Variants in BIRC3 observed in about 807,000 individuals in gnomAD.
BIRC3 encodes the protein baculoviral IAP repeat-containing protein 3.
Under a neutral mutation model 59.0 loss-of-function variants are expected in BIRC3, and 26 were observed. The observed-to-expected ratio is 0.44, with a 90% CI of 0.32 to 0.61. The LOEUF (loss-of-function observed/expected upper bound fraction) is 0.61. Among genes scored for constraint, BIRC3 ranks in the 20% least tolerant of loss-of-function variants. BIRC3 has a pLI of 0.04. For missense variants in BIRC3, 641 were observed against 711.5 expected (o/e 0.90, Z 1.13); for synonymous variants, 243 against 249.2 (o/e 0.98, Z 0.24).
Position 102,331,224 on chromosome 11 carries a change from C to A in BIRC3, c.1307C>A (p.Thr436Asn). ...AGGGAAGAGGAGAGAGAAAGAGCAA[C>A]TGAGGAAAAAGAATCAAGTATGTAG... ...EIREEERERATEEKESNDLLL... is the reference protein window; with the variant it reads ...EIREEERERANEEKESNDLLL... Residue 436 changes from threonine (T) to asparagine (N), a missense_variant, in exon 6 of 9, where the codon ACT (threonine) becomes AAT (asparagine). Transcript: ENST00000263464. 1 of 1,608,160 alleles carries A rather than the reference C, an allele frequency of 6.2e-7. No individual in the cohort carries two copies. The highest frequency in any genetic ancestry group is 8.5e-7 in the Non-Finnish European group (1 of 1,178,302).
At chr11:102,330,448 A>C (rs1028655467) in intron 5 of BIRC3, among the ~76,000 whole-genome samples, 1 of 152,228 alleles carries the variant, frequency 6.6e-6, no homozygotes, top group Non-Finnish European at 1.5e-5. Context: ...GAGGTAAACA[A>C]GGTTCAGATT....
chr11:102,337,015 A>G lies in BIRC3; in HGVS notation c.1728A>G (p.Val576=), dbSNP rs1951203974. ...SIVFIPCGHL[V]VCKDCAPSLR... Reference sequence around the variant, plus strand: ...TGTTTATTCCTTGTGGTCATCTAGTAGTATGCAAAGATTGTGCTCCTTCTT... The same window carrying G: ...TGTTTATTCCTTGTGGTCATCTAGTGGTATGCAAAGATTGTGCTCCTTCTT... The change falls in exon 9 of 9, where the codon GTA becomes GTG. Residue 576 remains valine, a synonymous_variant. Coordinates refer to ENST00000263464, the MANE Select transcript of BIRC3 (RefSeq NM_001165.5). 1.9e-6 allele frequency: 3 copies of G among 1,605,246 alleles called. No homozygotes were observed. Among genetic ancestry groups the G allele is most frequent in the South Asian group, 1.1e-5 (1 of 88,252 alleles).
chr11:102,325,152 T>G lies in BIRC3; in HGVS notation c.643T>G (p.Trp215Gly). Residue 215 changes from tryptophan to glycine, a missense_variant, in exon 2 of 9, where the codon TGG (tryptophan) becomes GGG (glycine). Physicochemically the swap from Trp to Gly is radical, Grantham distance 184. Around this residue, in one of 4 missense-constraint regions of BIRC3, gnomAD observed 329 missense variants for 365.6 expected, o/e 0.90. Transcript: ENST00000263464. ...TGCCTGTGGTGGAAAATTGAGCAAT[T>G]GGGAACCGAAGGATAATGCTATGTC... ...CFACGGKLSN[W>G]EPKDNAMSEH... The G allele has an allele frequency of 6.2e-7, 1 of 1,614,196 alleles. No homozygotes were observed. Among genetic ancestry groups the G allele is most frequent in the Non-Finnish European group, 8.5e-7 (1 of 1,180,016 alleles).
intron 8 of BIRC3, 41 bp downstream of exon 8, chr11:102,336,842 T>G (rs758212197): frequency 6.3e-6 from 10 of 1,588,646 alleles, no homozygotes; most frequent in Non-Finnish European, 8.5e-6. Flanking sequence ...GAACATTGTC[T>G]TTATTTTCTT....
intron 3 of BIRC3, chr11:102,326,739 G>C (rs1204785764): frequency 2.2e-6 from 1 of 454,850 alleles, no homozygotes; most frequent in Admixed American, 2.3e-5. Context: ...ATGGAGCCTG[G>C]CTCTGTTGCC....
In BIRC3 at chr11:102,322,762, C is replaced by T. The variant is rs1951043875; in HGVS notation, c.-1748C>T. The T allele has an allele frequency of 7.4e-6, 1 of 134,484 alleles. No individual in the cohort carries two copies. The highest frequency in any genetic ancestry group is 1.5e-4 in the East Asian group (1 of 6,636). 8.3% of individuals were successfully genotyped at this position (134,484 alleles called of 1,614,324 possible). ...CGTCTGTGAGATCCAGGAAACCATG[C>T]TTGCAAACCACTGGTAAAAAAAAAA... is the stretch of plus-strand genomic sequence containing the variant. On this transcript the variant is annotated 5_prime_UTR_variant, in exon 2 of 9. Transcript: ENST00000263464.
Position 102,327,389 on chromosome 11 carries a change from G to A in BIRC3, c.954-663G>A, listed in dbSNP as rs191760522. ...GGTGCAGTGGCTCATGCCTGTAATC[G>A]CAGCACTTTGGGAGGCTGAGGCAGG... is the stretch of plus-strand genomic sequence containing the variant. On this transcript the variant is annotated intron_variant, in intron 3 of 8. Coordinates refer to ENST00000263464, the MANE Select transcript of BIRC3 (RefSeq NM_001165.5). Among the ~76,000 whole-genome samples the A allele has an allele frequency of 8.8e-4, 134 of 152,000 alleles. 2 individuals carry two copies. In the South Asian group the frequency reaches 1.0e-2, roughly 11 times the overall value.
intron 1 of BIRC3, among the ~76,000 whole-genome samples, chr11:102,317,879 C>T (rs1950986832): frequency 6.6e-6 from 1 of 152,184 alleles, no homozygotes; most frequent in Non-Finnish European, 1.5e-5. Context: ...ATCACTGGGC[C>T]TTTGCAGGTG....
chr11:102,331,167 T>C lies in BIRC3; in HGVS notation c.1250T>C (p.Val417Ala). The change falls in exon 6 of 9, where the codon GTG (valine) becomes GCG (alanine). Residue 417 changes from valine to alanine, a missense_variant. Val to Ala is a moderately conservative substitution (Grantham distance 64). This residue lies in a region of BIRC3 where 268 missense variants were observed against 255.7 expected (regional missense o/e 1.05). Transcript: ENST00000263464. ...GENYRLVNDL[V>A]LDLLNAEDEI... ...AATTATAGACTAGTCAATGATCTTGTGTTAGACTTACTCAATGCAGAAGAT... is the reference window on the plus strand; with the variant it reads ...AATTATAGACTAGTCAATGATCTTGCGTTAGACTTACTCAATGCAGAAGAT... 1 of 1,613,766 alleles carries C rather than the reference T, an allele frequency of 6.2e-7. No individual in the cohort carries two copies. Among genetic ancestry groups the C allele is most frequent in the Non-Finnish European group, 8.5e-7 (1 of 1,179,844 alleles).
At position 102,327,496 on chromosome 11, in the gene BIRC3, C is replaced by T. The variant is rs935779602; in HGVS notation, c.954-556C>T. ...CTCCACTAAAAATGCAAAAATTAGC[C>T]GGCCATGGTGGCAGGCACCTGCAAG... On this transcript the variant is annotated intron_variant, in intron 3 of 8. Coordinates refer to ENST00000263464, the MANE Select transcript of BIRC3 (RefSeq NM_001165.5). Among the ~76,000 whole-genome samples, 6 of 151,992 alleles carry T rather than the reference C, an allele frequency of 3.9e-5. No individual in the cohort carries two copies. In the South Asian group the frequency reaches 6.2e-4, roughly 16 times the overall value.
chr11:102,330,887 T>G (rs962866310), intron 5 of BIRC3, 112 bp from the exon 6 acceptor site: 46 of 1,146,996 alleles, frequency 4.0e-5, no homozygotes, highest in Non-Finnish European at 5.1e-5. Flanking sequence ...ATTTTGTTGG[T>G]TTTACATTTT....
chr11:102,317,777 G>C (rs183877103), intron 1 of BIRC3, among the ~76,000 whole-genome samples: 1 of 152,326 alleles, frequency 6.6e-6, no homozygotes, highest in Admixed American at 6.5e-5. Context: ...GCAGGCTCTA[G>C]ATAGGTTCCA....
chr11:102,319,426 C>T (rs960205702), intron 1 of BIRC3, among the ~76,000 whole-genome samples: 3 of 151,938 alleles, frequency 2.0e-5, no homozygotes, highest in Admixed American at 6.6e-5. Context: ...AAAGGCCAGT[C>T]GAGAGTGACA....
chr11:102,336,872 A>G, intron 8 of BIRC3, 37 bp from the exon 9 acceptor site: 1 of 1,590,840 alleles, frequency 6.3e-7, no homozygotes, highest in Non-Finnish European at 8.5e-7. Context: ...CTGAAGAAGC[A>G]AACTGCCTTT....
chr11:102,318,724 G>T (rs1169667044), intron 1 of BIRC3, among the ~76,000 whole-genome samples: 1 of 152,138 alleles, frequency 6.6e-6, no homozygotes, highest in Non-Finnish European at 1.5e-5. Flanking sequence ...GAGAGGCTGG[G>T]GACTGAGCCA....
At chr11:102,320,225 A>G (rs1951016402) in intron 1 of BIRC3, 1 of 152,196 alleles carries the variant, frequency 6.6e-6, no homozygotes. Flanking sequence ...AATGGAGGTG[A>G]TATAAATGAG....
In BIRC3 at chr11:102,337,265, A is replaced by T. The variant is rs1313154340; in HGVS notation, c.*163A>T. The T allele has an allele frequency of 2.1e-6, 1 of 475,172 alleles. No individual in the cohort carries two copies. Among genetic ancestry groups the T allele is most frequent in the African/African-American group, 2.0e-5 (1 of 49,720 alleles). 29.4% of individuals were successfully genotyped at this position (475,172 alleles called of 1,614,324 possible). ...ATATATGTATCTAAACCATATGAAC[A>T]TATATTTTTTAGAAACTAAGAGAAT... On this transcript the variant is annotated 3_prime_UTR_variant, in exon 9 of 9. Transcript: ENST00000263464.
In BIRC3 at chr11:102,337,833, T is replaced by C. The variant is rs1951212617; in HGVS notation, c.*731T>C. ...CTCTCAAATATTGAACTACAGTTTA[T>C]ACTCCTTCCCATAAGATGCTTCTTC... On this transcript the variant is annotated 3_prime_UTR_variant, in exon 9 of 9. Transcript: ENST00000263464. 1 of 231,504 alleles carries C rather than the reference T, an allele frequency of 4.3e-6. No homozygotes were observed. The highest frequency in any genetic ancestry group is 8.5e-6 in the Non-Finnish European group (1 of 117,182). 14.3% of individuals were successfully genotyped at this position (231,504 alleles called of 1,614,324 possible).
rs1951224513 is a variant in BIRC3, at chr11:102,338,673, T to A, written c.*1571T>A. On this transcript the variant is annotated 3_prime_UTR_variant, in exon 9 of 9. Coordinates refer to ENST00000263464, the MANE Select transcript of BIRC3 (RefSeq NM_001165.5). ...GATATAGGGCAGGGCCTGTATGGGA[T>A]GGGGATATTATAACCTGCTATCAAG... is the stretch of plus-strand genomic sequence containing the variant. 1 of 229,096 alleles carries A rather than the reference T, an allele frequency of 4.4e-6. No homozygotes were observed. The highest frequency in any genetic ancestry group is 8.7e-6 in the Non-Finnish European group (1 of 115,528). The allele number at this position is 229,096 out of a possible 1,614,324, so 14.2% of individuals were successfully genotyped here.
Sources: allele counts gnomAD v4.1 joint callset (sites outside exome capture counted in the v4.1 genomes callset), GRCh38; gene constraint gnomAD v4.1.1; regional missense constraint gnomAD v4.1.1; transcripts MANE v1.5; gene names NCBI Gene and HGNC (gene_info 2026-07-23, HGNC 2026-07-21).